The following FBXL20 variants were observed in gnomAD, a reference collection of about 807,000 sequenced individuals.
FBXL20 encodes the protein F-box and leucine rich repeat protein 20.
In FBXL20, 11 loss-of-function variants were observed where a neutral mutation model predicts 64.0. That is an observed-to-expected ratio of 0.17 (90% CI 0.11 to 0.28). FBXL20 has a LOEUF of 0.28. Ranked by LOEUF, FBXL20 falls within the 10% of genes least tolerant of loss-of-function variation. The pLI is 1.00. For missense variants in FBXL20, 303 were observed against 526.2 expected, an observed-to-expected ratio of 0.58 and a Z score of 4.15; for synonymous variants, 184 against 189.0, an observed-to-expected ratio of 0.97 and a Z score of 0.22.
intron 2 of FBXL20, among the ~76,000 whole-genome samples, chr17:39,335,027 T>G (rs1490444411): frequency 6.6e-6 from 1 of 152,060 alleles, no homozygotes; most frequent in African/African-American, 2.4e-5. Context: ...CCTTTAAAAT[T>G]AACTGCCTGT....
At chr17:39,267,791 G>C (rs1281486080) in intron 12 of FBXL20, among the ~76,000 whole-genome samples, 1 of 152,148 alleles carries the variant, frequency 6.6e-6, no homozygotes, top group African/African-American at 2.4e-5. Context: ...CGAGCAGGCA[G>C]GCATGTCCGT....
At chr17:39,289,256 G>A (rs1434617693) in intron 6 of FBXL20, among the ~76,000 whole-genome samples, 1 of 152,148 alleles carries the variant, frequency 6.6e-6, no homozygotes, top group African/African-American at 2.4e-5. Flanking sequence ...ATTTGCACAT[G>A]AATTTAGAAT....
At chr17:39,374,022 G>A (rs2047942243) in intron 1 of FBXL20, among the ~76,000 whole-genome samples, 2 of 151,606 alleles carry the variant, frequency 1.3e-5, no homozygotes. Flanking sequence ...AGGAGTTCAA[G>A]ACAAGCCTGG....
At chr17:39,377,921 T>A (rs2047983796) in intron 1 of FBXL20, among the ~76,000 whole-genome samples, 1 of 152,086 alleles carries the variant, frequency 6.6e-6, no homozygotes, top group Non-Finnish European at 1.5e-5. Flanking sequence ...GATGAGGTGG[T>A]AGGATGGCTT....
chr17:39,387,277 C>CT (rs34511500), intron 1 of FBXL20, among the ~76,000 whole-genome samples: 20,586 of 125,914 alleles, frequency 0.16, 2,274 homozygotes, highest in East Asian at 0.24. Context: ...ATTAACTGCA[C>CT]TTTTTTTTTT....
At chr17:39,343,316 G>A in intron 1 of FBXL20, 75 bp from the exon 2 acceptor site, 4 of 1,045,372 alleles carry the variant, frequency 3.8e-6, no homozygotes, top group Non-Finnish European at 5.5e-6. Context: ...TAGTTTAGAG[G>A]CAATTCTCTC....
intron 1 of FBXL20, among the ~76,000 whole-genome samples, chr17:39,381,667 T>G (rs932975558): frequency 6.6e-6 from 1 of 151,800 alleles, no homozygotes; most frequent in African/African-American, 2.4e-5. Context: ...GGTGTACACT[T>G]GTAGTCTTAG....
chr17:39,345,129 A>C (rs575584714), intron 1 of FBXL20, among the ~76,000 whole-genome samples: 1 of 152,328 alleles, frequency 6.6e-6, no homozygotes, highest in East Asian at 1.9e-4. Context: ...GTATTGCAGA[A>C]ATTCCTCTTA....
At chr17:39,300,461 G>A (rs576813132) in intron 4 of FBXL20, among the ~76,000 whole-genome samples, 2 of 152,198 alleles carry the variant, frequency 1.3e-5, no homozygotes, top group South Asian at 2.1e-4. Flanking sequence ...CCATTTTATA[G>A]ATAATAGGCT....
At chr17:39,322,836 G>A (rs921335963) in intron 2 of FBXL20, among the ~76,000 whole-genome samples, 2 of 151,384 alleles carry the variant, frequency 1.3e-5, no homozygotes, top group African/African-American at 2.4e-5. Flanking sequence ...ACAGAGTCTC[G>A]CTCTGTCATC....
intron 1 of FBXL20, among the ~76,000 whole-genome samples, chr17:39,392,878 TG>T (rs1410171786): frequency 6.6e-6 from 1 of 151,584 alleles, no homozygotes; most frequent in Admixed American, 6.6e-5. Context: ...CCGGGGGTAG[TG>T]GTGCATGCCT....
At chr17:39,335,699 C>T (rs931680340) in intron 2 of FBXL20, among the ~76,000 whole-genome samples, 1 of 152,026 alleles carries the variant, frequency 6.6e-6, no homozygotes, top group South Asian at 2.1e-4. Flanking sequence ...CAAGTGGTAC[C>T]GCTAAGTAAG....
intron 10 of FBXL20, 28 bp downstream of exon 10, chr17:39,274,942 T>A: frequency 1.2e-6 from 2 of 1,610,160 alleles, no homozygotes; most frequent in Non-Finnish European, 1.7e-6. Context: ...GTTCTATGAT[T>A]TTTTTGAGCT....
chr17:39,386,813 G>A (rs1224379868), intron 1 of FBXL20, among the ~76,000 whole-genome samples: 2 of 152,122 alleles, frequency 1.3e-5, no homozygotes, highest in South Asian at 4.1e-4. Context: ...ATTATGTGGA[G>A]CACACATATT....
intron 6 of FBXL20, 114 bp from the exon 7 acceptor site, chr17:39,285,687 T>C: frequency 2.1e-6 from 1 of 485,772 alleles, no homozygotes; most frequent in Non-Finnish European, 3.4e-6. Context: ...TGTAAAATTT[T>C]CATACCCCTA....
At chr17:39,330,032 C>G (rs1373227563) in intron 2 of FBXL20, among the ~76,000 whole-genome samples, 1 of 152,046 alleles carries the variant, frequency 6.6e-6, no homozygotes, top group Non-Finnish European at 1.5e-5. Flanking sequence ...GTGGCTCATA[C>G]CTGTAATCCC....
chr17:39,280,171 G>C (rs188500531), intron 9 of FBXL20, among the ~76,000 whole-genome samples: 11 of 151,384 alleles, frequency 7.3e-5, no homozygotes, highest in Admixed American at 4.0e-4. Flanking sequence ...GGGAGGCGGA[G>C]GTTGCAGTGA....
chr17:39,386,024 C>CAAA lies in FBXL20; in HGVS notation c.42+15334_42+15336dup, dbSNP rs35967171. 5.5e-3 allele frequency among the ~76,000 whole-genome samples: 216 copies of CAAA among 39,514 alleles called. 6 individuals are homozygous for CAAA. The highest frequency in any genetic ancestry group is 0.02 in the African/African-American group (201 of 10,188). The allele number at this position is 39,514 out of a possible 152,430, so 25.9% of individuals were successfully genotyped here. A position where few individuals can be genotyped will look rare whatever the true frequency, so the allele number is the denominator to read the frequency against. On this transcript the variant is annotated intron_variant, in intron 1 of 14. Transcript: ENST00000264658. ...CAGCCTGACAACAGAGATTCCGTCT[C>CAAA]AAAAAAAAAAAAAAAAAAAAACACC...
intron 1 of FBXL20, among the ~76,000 whole-genome samples, chr17:39,387,239 A>C (rs1294870673): frequency 6.6e-6 from 1 of 151,606 alleles, no homozygotes; most frequent in Non-Finnish European, 1.5e-5. Context: ...AGGTGAGGCT[A>C]ATCTATGATG....
Sources: allele counts gnomAD v4.1 joint callset (sites outside exome capture counted in the v4.1 genomes callset), GRCh38; gene constraint gnomAD v4.1.1; transcripts MANE v1.5; gene names NCBI Gene and HGNC (gene_info 2026-07-23, HGNC 2026-07-21).